FOXP2: variants seen among roughly 807,000 people sequenced by gnomAD.
FOXP2 encodes the protein forkhead box P2.
In FOXP2, 12 loss-of-function variants were observed where a neutral mutation model predicts 115.8. The observed-to-expected ratio is 0.10, with a 90% CI of 0.07 to 0.17. The LOEUF is 0.17. Ranked by LOEUF, FOXP2 falls within the 10% of genes least tolerant of loss-of-function variation. The pLI, the probability that FOXP2 is intolerant of heterozygous loss-of-function variation, is 1.00. For missense variants in FOXP2, 629 were observed against 843.5 expected (o/e 0.75, Z 3.15); for synonymous variants, 328 against 297.7 (o/e 1.10, Z -1.05).
chr7:114,656,422 C>T, intron 10 of FOXP2: 3 of 411,530 alleles, frequency 7.3e-6, no homozygotes, highest in South Asian at 1.7e-5. Context: ...TGTATATGTT[C>T]TGATGTTGAT....
At chr7:114,553,187 G>C (rs893051409) in intron 3 of FOXP2, among the ~76,000 whole-genome samples, 2 of 152,096 alleles carry the variant, frequency 1.3e-5, no homozygotes, top group African/African-American at 4.8e-5. Context: ...TATAGAGCTG[G>C]AGTTAGGATA....
intron 3 of FOXP2, among the ~76,000 whole-genome samples, chr7:114,560,697 G>T (rs1422622134): frequency 1.3e-5 from 2 of 152,150 alleles, no homozygotes; most frequent in Admixed American, 6.5e-5. Flanking sequence ...AATGAAAAAT[G>T]AGGGCAAGAT....
chr7:114,377,546 T>C (rs894694757), intron 2 of FOXP2, among the ~76,000 whole-genome samples: 1 of 152,230 alleles, frequency 6.6e-6, no homozygotes, highest in African/African-American at 2.4e-5. Context: ...TGCAGTCATA[T>C]TCCCTGTTGG....
At chr7:114,196,627 A>AT (rs1382985770) in intron 1 of FOXP2, among the ~76,000 whole-genome samples, 1 of 152,170 alleles carries the variant, frequency 6.6e-6, no homozygotes, top group Non-Finnish European at 1.5e-5. Context: ...GTCATTTAAG[A>AT]GTATGGTTTA....
At chr7:114,524,386 C>T (rs1798763172) in intron 2 of FOXP2, among the ~76,000 whole-genome samples, 1 of 152,120 alleles carries the variant, frequency 6.6e-6, no homozygotes, top group African/African-American at 2.4e-5. Context: ...GTTAATAACT[C>T]AGAATTTGTT....
chr7:114,484,626 C>A (rs1796695391), intron 2 of FOXP2, among the ~76,000 whole-genome samples: 1 of 151,804 alleles, frequency 6.6e-6, no homozygotes, highest in Admixed American at 6.6e-5. Context: ...GTCATTTATT[C>A]TAAAATTAAT....
At chr7:114,139,411 A>G (rs903549819) in intron 1 of FOXP2, among the ~76,000 whole-genome samples, 105 of 152,286 alleles carry the variant, frequency 6.9e-4, no homozygotes, top group Non-Finnish European at 7.3e-5. Context: ...ACATAATAAA[A>G]AAGGTTTCTT....
At chr7:114,173,518 T>C (rs1431237786) in intron 1 of FOXP2, among the ~76,000 whole-genome samples, 1 of 151,886 alleles carries the variant, frequency 6.6e-6, no homozygotes, top group Non-Finnish European at 1.5e-5. Flanking sequence ...AAATGAAATA[T>C]AAAAAATCTC....
At chr7:114,222,736 G>T (rs555829235) in intron 1 of FOXP2, among the ~76,000 whole-genome samples, 1 of 152,158 alleles carries the variant, frequency 6.6e-6, no homozygotes, top group Non-Finnish European at 1.5e-5. Flanking sequence ...CTCAAGGATG[G>T]GGTAGCTTTT....
intron 1 of FOXP2, among the ~76,000 whole-genome samples, chr7:114,089,984 T>C (rs968100092): frequency 6.6e-6 from 1 of 151,978 alleles, no homozygotes; most frequent in Non-Finnish European, 1.5e-5. Flanking sequence ...ACAGAAGATG[T>C]GAAGGATATA....
intron 2 of FOXP2, among the ~76,000 whole-genome samples, chr7:114,375,667 T>C (rs925539056): frequency 2.6e-5 from 4 of 152,300 alleles, no homozygotes; most frequent in Non-Finnish European, 5.9e-5. Context: ...GTCTTATGTC[T>C]AGATGCTGAC....
At chr7:114,330,335 G>A (rs111523620) in intron 2 of FOXP2, among the ~76,000 whole-genome samples, 3,340 of 151,886 alleles carry the variant, frequency 0.022, 54 homozygotes, top group Middle Eastern at 0.044. Flanking sequence ...ATAACTGAAG[G>A]AGAAATATTA....
At chr7:114,607,815 T>G (rs1803410300) in intron 3 of FOXP2, among the ~76,000 whole-genome samples, 1 of 152,138 alleles carries the variant, frequency 6.6e-6, no homozygotes, top group African/African-American at 2.4e-5. Context: ...CTAAGAAATA[T>G]TTTTGAAAAC....
chr7:114,313,816 A>G lies in FOXP2; in HGVS notation c.-11+25707A>G, dbSNP rs149629390. On this transcript the variant is annotated intron_variant, in intron 2 of 17. Coordinates refer to the FOXP2 transcript ENST00000634411. ...ATAATTTTGTATAATGTTAAAAATA[A>G]CTACAAGAAAGGATATATAATTCTA... is the stretch of plus-strand genomic sequence containing the variant. Among the ~76,000 whole-genome samples, 17 of 152,286 alleles carry G rather than the reference A, an allele frequency of 1.1e-4. No homozygotes were observed. The East Asian group carries it at 2.9e-3, about 26-fold the overall frequency.
chr7:114,087,610 G>A (rs1028528744), upstream of FOXP2: 4 of 147,896 alleles, frequency 2.7e-5, no homozygotes, highest in Non-Finnish European at 6.0e-5. Flanking sequence ...CGCGCTCGCG[G>A]CGGCGCACGT....
intron 3 of FOXP2, among the ~76,000 whole-genome samples, chr7:114,614,762 A>G (rs1448828875): frequency 2.0e-5 from 3 of 152,182 alleles, no homozygotes; most frequent in Admixed American, 1.3e-4. Context: ...ACAACAACAA[A>G]CCAAAGTAAA....
At chr7:114,614,975 CT>C (rs1260646401) in intron 3 of FOXP2, among the ~76,000 whole-genome samples, 3 of 152,118 alleles carry the variant, frequency 2.0e-5, no homozygotes, top group Non-Finnish European at 4.4e-5. Context: ...AATCCCAGTA[CT>C]TTAGGAGGCC....
chr7:114,227,934 C>A (rs1794782523), intron 1 of FOXP2, among the ~76,000 whole-genome samples: 1 of 151,978 alleles, frequency 6.6e-6, no homozygotes, highest in Admixed American at 6.6e-5. Flanking sequence ...TATGTAATAT[C>A]ACAGCAAACC....
chr7:114,465,080 CAATATT>C (rs1234355795), intron 2 of FOXP2, among the ~76,000 whole-genome samples: 1 of 152,128 alleles, frequency 6.6e-6, no homozygotes, highest in African/African-American at 2.4e-5. Flanking sequence ...GGTAAGCTAT[CAATATT>C]AGATTGCTAA....
Sources: allele counts gnomAD v4.1 joint callset (sites outside exome capture counted in the v4.1 genomes callset), GRCh38; gene constraint gnomAD v4.1.1; transcripts MANE v1.5; gene names NCBI Gene and HGNC (gene_info 2026-07-23, HGNC 2026-07-21).